UNC80: variants seen among roughly 807,000 people sequenced by gnomAD.
UNC80 encodes unc-80 subunit of NALCN channel complex, also known as protein unc-80 homolog.
Under a neutral mutation model 384.6 loss-of-function variants are expected in UNC80, and 164 were observed. The observed-to-expected ratio is 0.43, with a 90% confidence interval of 0.38 to 0.49. The LOEUF is 0.49. UNC80 is among the 20% of genes least tolerant of loss of function. UNC80 has a pLI of 0.00. For missense variants in UNC80, 3,330 were observed against 4,143.0 expected, an observed-to-expected ratio of 0.80 and a Z score of 5.39; for synonymous variants, 1,486 against 1,527.8, an observed-to-expected ratio of 0.97 and a Z score of 0.64.
chr2:209,995,247 C>T, intron 64 of UNC80, 82 bp from the exon 65 acceptor site: 1 of 1,495,408 alleles, frequency 6.7e-7, no homozygotes, highest in Non-Finnish European at 9.0e-7. Context: ...TTTCCAATTA[C>T]CACTAGACAA....
intron 52 of UNC80, chr2:209,968,074 A>G (rs559276027): frequency 6.5e-6 from 1 of 153,044 alleles, no homozygotes; most frequent in South Asian, 2.0e-4. Flanking sequence ...CTTTACAATA[A>G]TCGCCAAGCA....
intron 61 of UNC80, among the ~76,000 whole-genome samples, chr2:209,985,820 A>G (rs748009647): frequency 6.6e-6 from 1 of 152,192 alleles, no homozygotes; most frequent in Non-Finnish European, 1.5e-5. Flanking sequence ...TTATTGCTTT[A>G]TCACAAAGAT....
Position 209,777,572 on chromosome 2 carries a change from C to A in UNC80, c.600+13C>A, listed in dbSNP as rs769404116. On this transcript the variant is annotated intron_variant, in intron 4 of 64. Transcript: ENST00000673920. ...ACACAGGATCAAGGTAAGCAGAAAC[C>A]CAGTGTTAGAGCTGGAGTGGGTGGA... is the stretch of plus-strand genomic sequence containing the variant. 6.3e-7 allele frequency: 1 copy of A among 1,592,824 alleles called. No individual in the cohort carries two copies. Among genetic ancestry groups the A allele is most frequent in the Admixed American group, 1.7e-5 (1 of 58,220 alleles).
chr2:209,773,084 A>G lies in UNC80; in HGVS notation c.93-10A>G. 1 of 1,606,360 alleles carries G rather than the reference A, an allele frequency of 6.2e-7. No homozygotes were observed. The highest frequency in any genetic ancestry group is 1.7e-4 in the Middle Eastern group (1 of 5,930). ...ATGTTTATTAACAAATATCTCTATTAATTTTTCAGTGCATTTTTGAGGCCC... is the reference window on the plus strand; with the variant it reads ...ATGTTTATTAACAAATATCTCTATTGATTTTTCAGTGCATTTTTGAGGCCC... On this transcript the variant is annotated splice_polypyrimidine_tract_variant and intron_variant, in intron 1 of 64. Transcript: ENST00000673920.
intron 25 of UNC80, among the ~76,000 whole-genome samples, chr2:209,884,948 G>A (rs2085641680): frequency 6.6e-6 from 1 of 152,032 alleles, no homozygotes; most frequent in African/African-American, 2.4e-5. Flanking sequence ...AATGCATGCA[G>A]GGCTCAATAC....
In UNC80 at chr2:209,852,691, A is replaced by T. The variant is rs35367245; in HGVS notation, c.3627+3068A>T. Among the ~76,000 whole-genome samples the T allele has an allele frequency of 1.2e-3, 177 of 152,210 alleles. 1 individual carries two copies. The highest frequency in any genetic ancestry group is 1.9e-3 in the Non-Finnish European group (131 of 68,004). The stretch of plus-strand genomic sequence containing the variant: ...TTGGTGTTTACTGTCATTTGTACAG[A>T]TGTGATAACTGCAATTGTTCATACC... On this transcript the variant is annotated intron_variant, in intron 22 of 64. Transcript: ENST00000673920.
intron 28 of UNC80, among the ~76,000 whole-genome samples, chr2:209,900,379 G>A (rs755128523): frequency 2.6e-5 from 4 of 152,086 alleles, no homozygotes; most frequent in Non-Finnish European, 4.4e-5. Flanking sequence ...CGTTTTTTAT[G>A]GTGATCTGTG....
intron 30 of UNC80, among the ~76,000 whole-genome samples, chr2:209,913,330 G>A (rs2089163647): frequency 6.6e-6 from 1 of 152,124 alleles, no homozygotes. Context: ...GGTTTAATCT[G>A]GGGCAATAAC....
intron 3 of UNC80, among the ~76,000 whole-genome samples, chr2:209,776,858 C>T (rs185089637): frequency 2.6e-4 from 39 of 152,336 alleles, no homozygotes; most frequent in Admixed American, 1.6e-3. Context: ...ATGTACCCCA[C>T]GTTAGCGTAC....
In UNC80 at chr2:209,771,981, A is replaced by G; in HGVS notation, c.-92A>G. On this transcript the variant is annotated 5_prime_UTR_variant, in exon 1 of 65. The change abolishes an upstream ATG in the 5' untranslated region. Transcript: ENST00000673920. ...CGGCTCTGCCTCGGGGAAGGAGGGG[A>G]TGAGAGTTGGGAGCAGCGGGAGGAG... is the stretch of plus-strand genomic sequence containing the variant. 9 of 884,538 alleles carry G rather than the reference A, an allele frequency of 1.0e-5. No individual in the cohort carries two copies. In the South Asian group the frequency reaches 1.3e-4, roughly 12 times the overall value. 54.8% of individuals were successfully genotyped at this position (884,538 alleles called of 1,614,324 possible). A position where few individuals can be genotyped will look rare whatever the true frequency, so the allele number is the denominator to read the frequency against.
chr2:209,905,276 C>T (rs1281325673), intron 29 of UNC80, among the ~76,000 whole-genome samples: 1 of 152,124 alleles, frequency 6.6e-6, no homozygotes, highest in East Asian at 1.9e-4. Context: ...CATTCACATC[C>T]TAATCTCTGG....
At chr2:209,880,332 C>T (rs1164481595) in intron 24 of UNC80, among the ~76,000 whole-genome samples, 1 of 152,166 alleles carries the variant, frequency 6.6e-6, no homozygotes, top group Non-Finnish European at 1.5e-5. Context: ...TTGTACATTT[C>T]TAGTATAGCT....
intron 21 of UNC80, among the ~76,000 whole-genome samples, chr2:209,842,896 A>T (rs2081869888): frequency 6.6e-6 from 1 of 152,062 alleles, no homozygotes. Flanking sequence ...TTATTAGAGA[A>T]TTTTTCCTTA....
At chr2:209,863,807 C>G (rs1294114762) in intron 22 of UNC80, among the ~76,000 whole-genome samples, 2 of 151,862 alleles carry the variant, frequency 1.3e-5, no homozygotes, top group East Asian at 1.9e-4. Flanking sequence ...GTGTGGTTTT[C>G]TATTACCCAT....
chr2:209,928,029 T>TA (rs2090568265), intron 36 of UNC80, among the ~76,000 whole-genome samples: 1 of 152,190 alleles, frequency 6.6e-6, no homozygotes, highest in East Asian at 1.9e-4. Flanking sequence ...CTATATATAG[T>TA]ACTATTTTAA....
chr2:209,897,573 T>A (rs1481124350), intron 28 of UNC80, among the ~76,000 whole-genome samples: 1 of 152,136 alleles, frequency 6.6e-6, no homozygotes, highest in Non-Finnish European at 1.5e-5. Flanking sequence ...TTTAATTAAT[T>A]TAAAAAAAAA....
In UNC80 at chr2:209,937,643, G is replaced by A. The variant is rs1340412721; in HGVS notation, c.6465+13G>A. On this transcript the variant is annotated intron_variant, in intron 42 of 64. Coordinates refer to ENST00000673920, the MANE Select transcript of UNC80 (RefSeq NM_001371986.1). ...CATTCAGAAACAGGTGACAGACCAC[G>A]TCAGTTTTATTCCATGGTTTTGTCA... is the stretch of plus-strand genomic sequence containing the variant. 11 of 1,529,854 alleles carry A rather than the reference G, an allele frequency of 7.2e-6. No homozygotes were observed. Among genetic ancestry groups the A allele is most frequent in the African/African-American group, 1.4e-5 (1 of 72,554 alleles). The allele number at this position is 1,529,854 out of a possible 1,614,324, so 94.8% of individuals were successfully genotyped here.
intron 43 of UNC80, 69 bp downstream of exon 43, chr2:209,939,721 T>G: frequency 2.2e-6 from 3 of 1,343,894 alleles, no homozygotes; most frequent in Admixed American, 5.6e-5. Context: ...TTTTAAAATT[T>G]TATTATTATT....
chr2:209,861,286 C>T (rs2083326931), intron 22 of UNC80, among the ~76,000 whole-genome samples: 1 of 152,206 alleles, frequency 6.6e-6, no homozygotes, highest in Non-Finnish European at 1.5e-5. Flanking sequence ...AAAGGCCTTT[C>T]TGCACCTATT....
Sources: allele counts gnomAD v4.1 joint callset (sites outside exome capture counted in the v4.1 genomes callset), GRCh38; gene constraint gnomAD v4.1.1; transcripts MANE v1.5; gene names NCBI Gene and HGNC (gene_info 2026-07-23, HGNC 2026-07-21).